Variants in LRRC74B observed in about 807,000 individuals in gnomAD.
LRRC74B encodes leucine rich repeat containing 74B, also known as leucine-rich repeat-containing protein 74B.
LRRC74B carries 30 observed loss-of-function variants against 16.6 expected under a neutral mutation model. The observed-to-expected ratio is 1.80, with a 90% CI of 1.35 to 2.45. The LOEUF (loss-of-function observed/expected upper bound fraction) is 2.45, where lower values mean the gene tolerates loss of function less well. Ranked by LOEUF, LRRC74B falls within the 30% of genes most tolerant of loss-of-function variation. LRRC74B has a pLI of 0.00. For missense variants in LRRC74B, 326 were observed against 202.4 expected, an observed-to-expected ratio of 1.61 and a Z score of -3.71; for synonymous variants, 134 against 86.0, an observed-to-expected ratio of 1.56 and a Z score of -3.09.
Position 21,047,819 on chromosome 22 carries a change from G to A in LRRC74B, c.283-65G>A, listed in dbSNP as rs145185802. On this transcript the variant is annotated intron_variant, in intron 2 of 8. Transcript: ENST00000442047. ...GAGGGCTTTCCAGCTGGAGGATGTGGAGTGGGCTGAGCCCTGGAGCATGAG... is the reference window on the plus strand; with the variant it reads ...GAGGGCTTTCCAGCTGGAGGATGTGAAGTGGGCTGAGCCCTGGAGCATGAG... 956 of 702,194 alleles carry A rather than the reference G, an allele frequency of 1.4e-3. 7 individuals are homozygous for A. The African/African-American group carries it at 0.015, about 11-fold the overall frequency. 43.5% of individuals were successfully genotyped at this position (702,194 alleles called of 1,614,324 possible).
downstream of LRRC74B, among the ~76,000 whole-genome samples, chr22:21,060,854 T>C (rs372182419): frequency 3.9e-5 from 6 of 152,156 alleles, no homozygotes; most frequent in African/African-American, 1.4e-4. Context: ...CAGGAAACTA[T>C]TAAAATGTAA....
chr22:21,055,789 T>C (rs528975511), intron 7 of LRRC74B, among the ~76,000 whole-genome samples: 2 of 152,320 alleles, frequency 1.3e-5, no homozygotes, highest in East Asian at 3.9e-4. Context: ...CCTCCCCTGC[T>C]TCCTGCCTCA....
In LRRC74B at chr22:21,056,107, C is replaced by T. The variant is rs540165990; in HGVS notation, c.927+931C>T. On this transcript the variant is annotated intron_variant, in intron 7 of 8. Coordinates refer to ENST00000442047, the Ensembl canonical transcript of LRRC74B. ...TGTGAACTTGCGGGATTCCTGGCTGCGGTTCTTTCTTCCCAGCTGCTACCC... is the reference window on the plus strand; with the variant it reads ...TGTGAACTTGCGGGATTCCTGGCTGTGGTTCTTTCTTCCCAGCTGCTACCC... 3.9e-5 allele frequency among the ~76,000 whole-genome samples: 6 copies of T among 152,168 alleles called. No individual in the cohort carries two copies. In the East Asian group the frequency reaches 9.6e-4, roughly 24 times the overall value.
At position 21,048,901 on chromosome 22, in the gene LRRC74B, G is replaced by A. The variant is rs894115107; in HGVS notation, c.416-50G>A. ...GGTTTGGGGGATGGCAGAAGTAGGG[G>A]AGTGCCTGGCTTTGCATCCCACTGG... On this transcript the variant is annotated intron_variant, in intron 3 of 8. Coordinates refer to ENST00000442047, the Ensembl canonical transcript of LRRC74B. 28 of 704,044 alleles carry A rather than the reference G, an allele frequency of 4.0e-5. No homozygotes were observed. In the African/African-American group the frequency reaches 4.0e-4, roughly 10 times the overall value. The allele number at this position is 704,044 out of a possible 1,614,324, so 43.6% of individuals were successfully genotyped here. A position where few individuals can be genotyped will look rare whatever the true frequency, so the allele number is the denominator to read the frequency against.
chr22:21,048,156 G>C (rs1249000541), intron 3 of LRRC74B, 140 bp downstream of exon 3: 1 of 652,804 alleles, frequency 1.5e-6, no homozygotes, highest in East Asian at 2.7e-5. Flanking sequence ...CATCACAGGA[G>C]GGGGCATGTG....
Position 21,047,404 on chromosome 22 carries a change from C to T in LRRC74B, c.188C>T (p.Ser63Phe), listed in dbSNP as rs1929543675. 3 of 717,522 alleles carry T rather than the reference C, an allele frequency of 4.2e-6. No homozygotes were observed. In the South Asian group the frequency reaches 4.4e-5, roughly 11 times the overall value. The allele number at this position is 717,522 out of a possible 1,614,324, so 44.4% of individuals were successfully genotyped here. Residue 63 changes from serine (S) to phenylalanine (F), a missense_variant, in exon 2 of 9, where the codon TCT becomes TTT. Coordinates refer to ENST00000442047, the Ensembl canonical transcript of LRRC74B. ...GTCAGGGACACACTGTACCTGAGGT[C>T]TTGCCGGGCCCATAGTGTTGTGCCC...
In LRRC74B at chr22:21,053,540, A is replaced by G. The variant is rs577038430; in HGVS notation, c.848+65A>G. On this transcript the variant is annotated intron_variant, in intron 6 of 8. Transcript: ENST00000442047. ...CCATGATCTTGCTGCTGAAGCACAC[A>G]GTCTACCCGTGATGGGGATTCCCGT... The G allele has an allele frequency of 2.6e-4, 176 of 687,334 alleles. 1 individual carries two copies. In the East Asian group the frequency reaches 4.7e-3, roughly 18 times the overall value. The allele number at this position is 687,334 out of a possible 1,614,324, so 42.6% of individuals were successfully genotyped here. A position where few individuals can be genotyped will look rare whatever the true frequency, so the allele number is the denominator to read the frequency against.
chr22:21,059,553 T>C (rs1264573066), intron 8 of LRRC74B, among the ~76,000 whole-genome samples: 1 of 152,120 alleles, frequency 6.6e-6, no homozygotes, highest in Non-Finnish European at 1.5e-5. Flanking sequence ...AGAGCGAGAC[T>C]CTACCTCAAA....
downstream of LRRC74B, chr22:21,063,534 T>C (rs447258): frequency 0.43 from 58,159 of 134,072 alleles, 11,920 homozygotes; most frequent in Middle Eastern, 0.51. Context: ...GAGATCCTTG[T>C]CTCCTCAAAA....
chr22:21,049,245 C>G, intron 4 of LRRC74B, 88 bp downstream of exon 4: 1 of 611,106 alleles, frequency 1.6e-6, no homozygotes, highest in Non-Finnish European at 3.0e-6. Flanking sequence ...CGCTGCACAT[C>G]GCCAGGGAGC....
chr22:21,049,424 C>T, intron 4 of LRRC74B: 1 of 480,866 alleles, frequency 2.1e-6, no homozygotes, highest in East Asian at 3.5e-5. Flanking sequence ...AAGTTCCTGA[C>T]CTCAAGGGAC....
intron 8 of LRRC74B, among the ~76,000 whole-genome samples, chr22:21,057,922 G>C (rs1420337965): frequency 1.4e-5 from 2 of 147,704 alleles, no homozygotes; most frequent in Admixed American, 6.8e-5. Context: ...GTCTCACTCT[G>C]TCGCCCAGGC....
intron 2 of LRRC74B, 86 bp downstream of exon 2, chr22:21,047,584 C>T (rs1929571230): frequency 3.0e-6 from 2 of 669,842 alleles, no homozygotes; most frequent in African/African-American, 3.6e-5. Flanking sequence ...TGTCTGTCCC[C>T]TACACTCCCC....
downstream of LRRC74B, chr22:21,063,013 A>G (rs1415425349): frequency 5.4e-5 from 8 of 146,920 alleles, no homozygotes; most frequent in East Asian, 1.7e-3. Flanking sequence ...TCTGGTTGAG[A>G]GAGTGGGAAC....
chr22:21,047,491 G>T (rs1180953073), exon 2 of LRRC74B: 9 of 717,308 alleles, frequency 1.3e-5, no homozygotes, highest in Non-Finnish European at 2.3e-5. Flanking sequence ...CGTGGCCTGG[G>T]GCCCCAGGTA....
chr22:21,048,113 T>G (rs1179424435), intron 3 of LRRC74B, 97 bp downstream of exon 3: 1 of 692,236 alleles, frequency 1.4e-6, no homozygotes, highest in South Asian at 1.5e-5. Flanking sequence ...ACCTGGGGCC[T>G]GCTGGTGTTG....
intron 4 of LRRC74B, among the ~76,000 whole-genome samples, chr22:21,051,529 C>T (rs1930045671): frequency 6.6e-6 from 1 of 152,106 alleles, no homozygotes; most frequent in Non-Finnish European, 1.5e-5. Flanking sequence ...GCCCTGTTGC[C>T]TCTTGCCTAG....
At chr22:21,049,528 A>G (rs1371170727) in intron 4 of LRRC74B, 7 of 190,256 alleles carry the variant, frequency 3.7e-5, no homozygotes, top group African/African-American at 1.6e-4. Context: ...CCTACTTTAA[A>G]GAGGTGGCTG....
chr22:21,050,137 A>G (rs1386899265), intron 4 of LRRC74B, among the ~76,000 whole-genome samples: 4 of 152,076 alleles, frequency 2.6e-5, no homozygotes, highest in Non-Finnish European at 4.4e-5. Flanking sequence ...CCCAGGTCCA[A>G]GCAATTCTCC....
Sources: allele counts gnomAD v4.1 joint callset (sites outside exome capture counted in the v4.1 genomes callset), GRCh38; gene constraint gnomAD v4.1.1; transcripts MANE v1.5; gene names NCBI Gene and HGNC (gene_info 2026-07-23, HGNC 2026-07-21).